The following DNAH9 variants were observed in gnomAD, a reference collection of about 807,000 sequenced individuals.
The protein encoded by DNAH9 is DNAH9 variant protein.
Under a neutral mutation model 471.6 loss-of-function variants are expected in DNAH9, and 345 were observed. The observed-to-expected ratio is 0.73, with a 90% CI of 0.67 to 0.80. DNAH9 has a LOEUF of 0.80. Ranked by LOEUF, DNAH9 falls within the 30% of genes least tolerant of loss-of-function variation. The pLI is 0.00. For synonymous variants in DNAH9, 2,093 were observed against 2,123.6 expected, an observed-to-expected ratio of 0.99 and a Z score of 0.40; for missense variants, 5,407 against 5,609.2, an observed-to-expected ratio of 0.96 and a Z score of 1.15.
Position 11,822,601 on chromosome 17 carries a change from T to C in DNAH9, c.9012+2T>C. On this transcript the variant is annotated splice_donor_variant, in intron 47 of 68. Transcript: ENST00000262442. LOFTEE classifies it high-confidence loss of function. ...TTGCAGAACACAGAGGGCATTGAGG[T>C]GAGAGAGAAAAGGAGACACTCCTAA... The C allele has an allele frequency of 6.2e-7, 1 of 1,613,700 alleles. No homozygotes were observed. The highest frequency in any genetic ancestry group is 1.3e-5 in the African/African-American group (1 of 74,942).
At position 11,664,903 on chromosome 17, in the gene DNAH9, A is replaced by G. The variant is rs751769858; in HGVS notation, c.2666A>G (p.Asn889Ser). Residue 889 changes from asparagine to serine, a missense_variant, in exon 15 of 69, where the codon AAT becomes AGT. Physicochemically the swap from Asn to Ser is conservative, Grantham distance 46. Around this residue, in one of 3 missense-constraint regions of DNAH9, gnomAD observed 4,636 missense variants for 4,900.3 expected, o/e 0.95. Coordinates refer to ENST00000262442, the MANE Select transcript of DNAH9 (RefSeq NM_001372.4). Reference sequence around the variant, plus strand: ...AAGACTTATGTTAACTCTATTGACAATTTGTTGCTGAATGGATTCTTTCTT... The same window carrying G: ...AAGACTTATGTTAACTCTATTGACAGTTTGTTGCTGAATGGATTCTTTCTT... ...IWKTYVNSID[N>S]LLLNGFFLAI... 9.9e-6 allele frequency: 16 copies of G among 1,612,988 alleles called. No homozygotes were observed. Among genetic ancestry groups the G allele is most frequent in the Non-Finnish European group, 9.3e-6 (11 of 1,179,178 alleles).
intron 52 of DNAH9, chr17:11,873,497 T>A (rs1972358280): frequency 6.6e-6 from 1 of 152,182 alleles, no homozygotes; most frequent in African/African-American, 2.4e-5. Context: ...CCTTGTTAGA[T>A]ACAATTAAGA....
chr17:11,969,470 T>C lies in DNAH9; in HGVS notation c.13404T>C (p.Thr4468=). The change falls in exon 69 of 69, where the codon ACT becomes ACC. Residue 4468 remains threonine (T), a synonymous_variant. Transcript: ENST00000262442. ...PTYVWTFNLK[T]KENPSKWVLA... is the part of the protein sequence containing the mutation. ...ACGTGTGGACTTTCAACCTGAAGAC[T>C]AAGGAAAACCCATCCAAGTGGGTTC... 1 of 1,613,472 alleles carries C rather than the reference T, an allele frequency of 6.2e-7. No individual in the cohort carries two copies. The highest frequency in any genetic ancestry group is 8.5e-7 in the Non-Finnish European group (1 of 1,179,870).
intron 36 of DNAH9, among the ~76,000 whole-genome samples, chr17:11,764,317 T>C (rs972630945): frequency 2.0e-5 from 3 of 152,206 alleles, no homozygotes; most frequent in African/African-American, 7.2e-5. Context: ...AGAAAAATAT[T>C]CAATATTATG....
At position 11,798,457 on chromosome 17, in the gene DNAH9, AAGAG is replaced by A. The variant is rs1166706295; in HGVS notation, c.8420+682_8420+685del. Among the ~76,000 whole-genome samples, 321 of 130,080 alleles carry A rather than the reference AAGAG, an allele frequency of 2.5e-3. 1 individual carries two copies. The highest frequency in any genetic ancestry group is 5.9e-3 in the African/African-American group (196 of 33,454). 85.3% of individuals were successfully genotyped at this position (130,080 alleles called of 152,430 possible). A position where few individuals can be genotyped will look rare whatever the true frequency, so the allele number is the denominator to read the frequency against. On this transcript the variant is annotated intron_variant, in intron 43 of 68. Coordinates refer to ENST00000262442, the MANE Select transcript of DNAH9 (RefSeq NM_001372.4). Reference sequence around the variant, plus strand: ...CAAAAAAAAAAAAAAAAAAAAAAAAAAGAGAGAGAGAGAGAGAGAGATAGAGGGT... The same window carrying A: ...CAAAAAAAAAAAAAAAAAAAAAAAAAAGAGAGAGAGAGAGAGATAGAGGGT...
intron 48 of DNAH9, among the ~76,000 whole-genome samples, chr17:11,827,876 G>A (rs1970551149): frequency 6.6e-6 from 1 of 152,016 alleles, no homozygotes; most frequent in Admixed American, 6.5e-5. Flanking sequence ...AGTAGAGATG[G>A]GGTTTCATCA....
At chr17:11,963,526 G>A (rs778035789) in intron 68 of DNAH9, among the ~76,000 whole-genome samples, 1 of 150,732 alleles carries the variant, frequency 6.6e-6, no homozygotes, top group Non-Finnish European at 1.5e-5. Context: ...GGAGAGGTGG[G>A]GGTTAATAAA....
intron 48 of DNAH9, among the ~76,000 whole-genome samples, chr17:11,825,654 G>C (rs1247670024): frequency 1.3e-5 from 2 of 152,156 alleles, no homozygotes; most frequent in African/African-American, 4.8e-5. Flanking sequence ...TCCTGATCTT[G>C]CCAGGAGCCA....
chr17:11,623,382 T>C lies in DNAH9; in HGVS notation c.1350+3601T>C, dbSNP rs1196478310. Among the ~76,000 whole-genome samples, 1 of 152,130 alleles carries C rather than the reference T, an allele frequency of 6.6e-6. No individual in the cohort carries two copies. The highest frequency in any genetic ancestry group is 1.5e-5 in the Non-Finnish European group (1 of 68,034). On this transcript the variant is annotated intron_variant, in intron 6 of 68. Transcript: ENST00000262442. This position sits in a 1 kb window ranked among gnomAD's most constrained non-coding sequence, Gnocchi z 4.1. ...TGTTCTCCTTCTCTATTTTCTAACT[T>C]CCCTGACCTCTTTGTTTGCCCTGAA...
chr17:11,713,265 G>A (rs1397756118), intron 26 of DNAH9, among the ~76,000 whole-genome samples: 3 of 152,014 alleles, frequency 2.0e-5, no homozygotes, highest in African/African-American at 4.8e-5. Context: ...AGTATTCGGC[G>A]GTGTATACGT....
chr17:11,873,300 C>T (rs1972353318), intron 52 of DNAH9: 1 of 152,168 alleles, frequency 6.6e-6, no homozygotes, highest in Non-Finnish European at 1.5e-5. Context: ...TCATGGACGT[C>T]TTTGGCAGTC....
chr17:11,835,038 G>A (rs1970804408), intron 49 of DNAH9, 140 bp downstream of exon 49: 1 of 1,172,712 alleles, frequency 8.5e-7, no homozygotes, highest in South Asian at 1.6e-5. Context: ...TGCTCATTAA[G>A]CAAGCAAACA....
intron 59 of DNAH9, 85 bp from the exon 60 acceptor site, chr17:11,902,633 GA>G: frequency 8.3e-7 from 1 of 1,202,672 alleles, no homozygotes; most frequent in Admixed American, 2.1e-5. Flanking sequence ...GTGTAGATAA[GA>G]CCATCTGGCC....
At chr17:11,933,791 G>T in intron 64 of DNAH9, 89 bp from the exon 65 acceptor site, 1 of 1,216,106 alleles carries the variant, frequency 8.2e-7, no homozygotes. Flanking sequence ...CTCTCTTGTG[G>T]CTTTCTGTGC....
intron 25 of DNAH9, 74 bp downstream of exon 25, chr17:11,704,516 T>G: frequency 6.5e-7 from 1 of 1,541,804 alleles, no homozygotes; most frequent in Non-Finnish European, 8.8e-7. Context: ...AGCCAAAATA[T>G]GGGGGCCCCA....
chr17:11,694,302 C>G lies in DNAH9; in HGVS notation c.4746-19C>G, dbSNP rs773628709. The G allele has an allele frequency of 4.8e-5, 77 of 1,613,228 alleles. No homozygotes were observed. The highest frequency in any genetic ancestry group is 6.4e-5 in the Non-Finnish European group (75 of 1,179,692). ...TCTAGACATTCTTAACTGGGAAATT[C>G]TATGTTCTGTGCCCTCAGATTGTGC... On this transcript the variant is annotated intron_variant, in intron 21 of 68. Transcript: ENST00000262442.
intron 1 of DNAH9, among the ~76,000 whole-genome samples, chr17:11,606,443 C>CTT (rs1404986645): frequency 0.28 from 19,085 of 68,430 alleles, 5,719 homozygotes; most frequent in South Asian, 0.52. Flanking sequence ...CTTTTCTTTT[C>CTT]TTTTCTTTTC....
intron 50 of DNAH9, among the ~76,000 whole-genome samples, chr17:11,858,231 A>G (rs904478080): frequency 1.3e-5 from 2 of 152,224 alleles, no homozygotes; most frequent in Non-Finnish European, 2.9e-5. Context: ...AGAGTGAAAT[A>G]TCAAATAGTA....
intron 17 of DNAH9, 34 bp from the exon 18 acceptor site, chr17:11,679,723 G>T (rs765262712): frequency 6.9e-7 from 1 of 1,455,714 alleles, no homozygotes; most frequent in South Asian, 1.1e-5. Context: ...AGTAGAACGA[G>T]AATGGTTCCT....
Sources: gnomAD v4.1 joint callset for allele counts (sites outside exome capture counted in the v4.1 genomes callset) on GRCh38, gnomAD v4.1.1 for gene constraint, gnomAD v4.1.1 regional missense constraint, Gnocchi (gnomAD v3.1) non-coding constraint, MANE v1.5 for transcripts, NCBI Gene and HGNC (gene_info 2026-07-23, HGNC 2026-07-21) for gene names.